Variants in HNF4G observed in about 807,000 individuals in gnomAD.
The protein encoded by HNF4G is hepatocyte nuclear factor 4-gamma.
Under a neutral mutation model 50.9 loss-of-function variants are expected in HNF4G, and 21 were observed. The observed-to-expected ratio is 0.41, with a 90% confidence interval of 0.29 to 0.59. HNF4G has a LOEUF of 0.59. HNF4G is among the 20% of genes least tolerant of loss of function. The pLI is 0.26. For missense variants in HNF4G, 527 were observed against 559.4 expected (o/e 0.94, Z 0.58); for synonymous variants, 198 against 185.6 (o/e 1.07, Z -0.54).
At chr8:75,444,228 T>C (rs1811364638) in intron 1 of HNF4G, among the ~76,000 whole-genome samples, 1 of 151,726 alleles carries the variant, frequency 6.6e-6, no homozygotes, top group African/African-American at 2.4e-5. Context: ...AAGCAAATGC[T>C]GAGAGATTTT....
intron 1 of HNF4G, among the ~76,000 whole-genome samples, chr8:75,434,331 A>G (rs889277525): frequency 3.3e-5 from 5 of 152,138 alleles, no homozygotes; most frequent in East Asian, 1.9e-4. Flanking sequence ...AGAAGAAATC[A>G]TAATGGAAAT....
At chr8:75,476,806 T>C (rs995466393) in intron 1 of HNF4G, among the ~76,000 whole-genome samples, 2 of 152,142 alleles carry the variant, frequency 1.3e-5, no homozygotes, top group African/African-American at 4.8e-5. Flanking sequence ...GATAAATTCC[T>C]TTACCTGCTC....
At chr8:75,559,769 T>C (rs183010063) in intron 8 of HNF4G, among the ~76,000 whole-genome samples, 13 of 152,242 alleles carry the variant, frequency 8.5e-5, no homozygotes, top group Non-Finnish European at 1.5e-4. Flanking sequence ...CTAATACATA[T>C]ATATATATAC....
intron 2 of HNF4G, among the ~76,000 whole-genome samples, chr8:75,514,227 T>C (rs1014732630): frequency 6.6e-6 from 1 of 151,976 alleles, no homozygotes; most frequent in African/African-American, 2.4e-5. Context: ...TTTTTTTTGG[T>C]CTTCAAATTT....
At chr8:75,556,856 C>T (rs1807143780) in intron 6 of HNF4G, among the ~76,000 whole-genome samples, 1 of 152,058 alleles carries the variant, frequency 6.6e-6, no homozygotes, top group Admixed American at 6.6e-5. Flanking sequence ...TATGTAAATG[C>T]ACTGGTCTAA....
At chr8:75,525,779 A>C (rs1806161871) in intron 2 of HNF4G, among the ~76,000 whole-genome samples, 1 of 152,212 alleles carries the variant, frequency 6.6e-6, no homozygotes, top group Non-Finnish European at 1.5e-5. Flanking sequence ...TGTAAGAAAA[A>C]GTTGAACTCA....
At chr8:75,434,675 AACACAC>A (rs36098920) in intron 1 of HNF4G, among the ~76,000 whole-genome samples, 31 of 145,792 alleles carry the variant, frequency 2.1e-4, no homozygotes, top group Non-Finnish European at 2.3e-4. Context: ...CAACAAGGCC[AACACAC>A]ACACACACAC....
chr8:75,542,955 G>C (rs918596479), intron 1 of HNF4G, among the ~76,000 whole-genome samples: 2 of 152,070 alleles, frequency 1.3e-5, no homozygotes, highest in African/African-American at 4.8e-5. Flanking sequence ...GGGATTATAG[G>C]TGGGCAGACC....
At chr8:75,519,029 T>G (rs1805969746) in intron 2 of HNF4G, among the ~76,000 whole-genome samples, 1 of 152,206 alleles carries the variant, frequency 6.6e-6, no homozygotes, top group African/African-American at 2.4e-5. Flanking sequence ...AACTGAAAGC[T>G]TTTAGCAATA....
chr8:75,428,826 A>T (rs1432676538), intron 1 of HNF4G, among the ~76,000 whole-genome samples: 1 of 152,158 alleles, frequency 6.6e-6, no homozygotes, highest in African/African-American at 2.4e-5. Flanking sequence ...GAAGCTACTG[A>T]GATATTTTAA....
At chr8:75,474,478 G>A (rs965239421) in intron 1 of HNF4G, among the ~76,000 whole-genome samples, 2 of 152,170 alleles carry the variant, frequency 1.3e-5, no homozygotes, top group African/African-American at 4.8e-5. Flanking sequence ...ATTGTATGAA[G>A]GTTTTAGATT....
chr8:75,495,726 C>T (rs753907327), intron 2 of HNF4G, among the ~76,000 whole-genome samples: 39 of 151,772 alleles, frequency 2.6e-4, no homozygotes, highest in South Asian at 2.1e-3. Flanking sequence ...TTAGTAGAGA[C>T]GAAATTTCAC....
At chr8:75,561,191 G>A (rs577330430) in intron 9 of HNF4G, among the ~76,000 whole-genome samples, 1 of 152,024 alleles carries the variant, frequency 6.6e-6, no homozygotes. Context: ...TTTTCTTGCC[G>A]GTTTCACTTA....
chr8:75,505,968 T>A (rs1437107512), intron 2 of HNF4G, among the ~76,000 whole-genome samples: 1 of 152,028 alleles, frequency 6.6e-6, no homozygotes, highest in Non-Finnish European at 1.5e-5. Context: ...AGTTCAAGAT[T>A]CTTGGGAGCA....
In HNF4G at chr8:75,556,950, A is replaced by G. The variant is rs73331865; in HGVS notation, c.733+881A>G. Reference sequence around the variant, plus strand: ...GGATTAGTACTACTATTTTCAGCCCATTTTGCAGGTGAAGAAATGGAGACA... The same window carrying G: ...GGATTAGTACTACTATTTTCAGCCCGTTTTGCAGGTGAAGAAATGGAGACA... On this transcript the variant is annotated intron_variant, in intron 6 of 9. Transcript: ENST00000396423. 5.6e-3 allele frequency among the ~76,000 whole-genome samples: 859 copies of G among 152,312 alleles called. 10 individuals carry two copies. Among genetic ancestry groups the G allele is most frequent in the African/African-American group, 0.019 (809 of 41,566 alleles).
rs201513424 is a variant in HNF4G at position 75,504,230 on chromosome 8, GACACACACACAC to G, written c.-24+14057_-24+14068del. ...AGTAAGACTTTGTCCAAAGCACACA[GACACACACACAC>G]ACACACACACACACACACACACACA... On this transcript the variant is annotated intron_variant, in intron 2 of 10. Coordinates refer to the HNF4G transcript ENST00000354370. 9.8e-4 allele frequency among the ~76,000 whole-genome samples: 106 copies of G among 108,316 alleles called. 1 individual carries two copies. The highest frequency in any genetic ancestry group is 7.9e-4 in the Non-Finnish European group (43 of 54,180). 71.1% of individuals were successfully genotyped at this position (108,316 alleles called of 152,430 possible). A position where few individuals can be genotyped will look rare whatever the true frequency, so the allele number is the denominator to read the frequency against.
At chr8:75,412,667 T>A (rs959803618) in intron 1 of HNF4G, among the ~76,000 whole-genome samples, 1 of 152,196 alleles carries the variant, frequency 6.6e-6, no homozygotes, top group African/African-American at 2.4e-5. Flanking sequence ...TGCACTGTCT[T>A]GTGCTTTGCT....
intron 1 of HNF4G, among the ~76,000 whole-genome samples, chr8:75,409,953 T>C (rs1446331005): frequency 6.6e-6 from 1 of 152,228 alleles, no homozygotes; most frequent in Non-Finnish European, 1.5e-5. Context: ...CTCTAATCTC[T>C]ATGTGTATAA....
rs186356900 is a variant in HNF4G at position 75,436,312 on chromosome 8, C to T, written c.-144+28150C>T. 2.5e-3 allele frequency among the ~76,000 whole-genome samples: 376 copies of T among 152,300 alleles called. 2 individuals are homozygous for T. Among genetic ancestry groups the T allele is most frequent in the African/African-American group, 8.8e-3 (367 of 41,568 alleles). ...TCATCTGAACATTTATGTGGTAGAT[C>T]AAATGGACAAGAATTACTGATATGC... On this transcript the variant is annotated intron_variant, in intron 1 of 10. Transcript: ENST00000354370.
Sources: gnomAD v4.1 joint callset for allele counts (sites outside exome capture counted in the v4.1 genomes callset) on GRCh38, gnomAD v4.1.1 for gene constraint, MANE v1.5 for transcripts, NCBI Gene and HGNC (gene_info 2026-07-23, HGNC 2026-07-21) for gene names.